BMP1: variants seen among roughly 807,000 people sequenced by gnomAD.
The protein encoded by BMP1 is mammalian tolloid protein.
In BMP1, 63 loss-of-function variants were observed where a neutral mutation model predicts 116.8. That is an observed-to-expected ratio of 0.54 (90% CI 0.44 to 0.67). The LOEUF (loss-of-function observed/expected upper bound fraction) is 0.67, where lower values mean the gene tolerates loss of function less well. BMP1 is among the 30% of genes least tolerant of loss of function. The pLI is 0.00. For missense variants in BMP1, 1,183 were observed against 1,358.9 expected, an observed-to-expected ratio of 0.87 and a Z score of 2.04; for synonymous variants, 536 against 533.4, an observed-to-expected ratio of 1.00 and a Z score of -0.07.
At chr8:22,184,716 T>C (rs1453895684) in intron 8 of BMP1, among the ~76,000 whole-genome samples, 1 of 152,226 alleles carries the variant, frequency 6.6e-6, no homozygotes, top group Non-Finnish European at 1.5e-5. Flanking sequence ...TAGGTACCAT[T>C]ATCCCTACTG....
intron 8 of BMP1, among the ~76,000 whole-genome samples, chr8:22,189,688 A>G (rs1828876143): frequency 6.6e-6 from 1 of 151,786 alleles, no homozygotes; most frequent in African/African-American, 2.4e-5. Flanking sequence ...GCTGGTCTCA[A>G]ACTCCTGGAC....
rs1829469515 is a variant in BMP1 at position 22,211,908 on chromosome 8, C to A, written c.*180C>A. On this transcript the variant is annotated 3_prime_UTR_variant, in exon 20 of 20. Transcript: ENST00000306385. ...GGGAACTGGACTCCGGCATAAGCCA[C>A]TTCCCCACAAACCCCCACCAGCAAG... is the stretch of plus-strand genomic sequence containing the variant. 4 of 885,514 alleles carry A rather than the reference C, an allele frequency of 4.5e-6. 1 individual carries two copies. In the South Asian group the frequency reaches 7.0e-5, roughly 16 times the overall value. The allele number at this position is 885,514 out of a possible 1,614,324, so 54.9% of individuals were successfully genotyped here. A position where few individuals can be genotyped will look rare whatever the true frequency, so the allele number is the denominator to read the frequency against.
intron 9 of BMP1, 38 bp downstream of exon 9, chr8:22,192,189 AT>A (rs771932751): frequency 6.4e-7 from 1 of 1,561,170 alleles, no homozygotes; most frequent in Non-Finnish European, 8.8e-7. Flanking sequence ...CTCCATGCTG[AT>A]TCCCTCTCTG....
chr8:22,210,466 T>TCACACA (rs1224107610), intron 19 of BMP1, among the ~76,000 whole-genome samples: 1 of 101,154 alleles, frequency 9.9e-6, no homozygotes, highest in African/African-American at 4.0e-5. Flanking sequence ...TCTCTCTCTC[T>TCACACA]CTCACACACA....
chr8:22,193,431 A>C (rs1828990117), intron 9 of BMP1, among the ~76,000 whole-genome samples: 1 of 152,230 alleles, frequency 6.6e-6, no homozygotes, highest in Non-Finnish European at 1.5e-5. Context: ...AAGGTAAATA[A>C]TGATGGTAAT....
intron 1 of BMP1, among the ~76,000 whole-genome samples, chr8:22,166,329 G>A (rs918553669): frequency 6.6e-6 from 1 of 151,908 alleles, no homozygotes; most frequent in Non-Finnish European, 1.5e-5. Context: ...CGAGACACCA[G>A]AGGCTAATTA....
chr8:22,195,531 A>G lies in BMP1; in HGVS notation c.1709A>G (p.Tyr570Cys), dbSNP rs772135700. The change falls in exon 13 of 20, where the codon TAC becomes TGC. Residue 570 changes from tyrosine (Y) to cysteine (C), a missense_variant. Physicochemically the swap from Tyr to Cys is radical, Grantham distance 194. Around this residue, in one of 4 missense-constraint regions of BMP1, gnomAD observed 956 missense variants for 1,135.2 expected, o/e 0.84. Transcript: ENST00000306385. ...EQRCLNTLGS[Y>C]KCSCDPGYEL... is the part of the protein sequence containing the mutation. ...CGGTGCCTCAACACCCTGGGCAGCT[A>G]CAAGTGCAGCTGTGACCCCGGGTAC... 8.1e-6 allele frequency: 13 copies of G among 1,612,574 alleles called. No homozygotes were observed. Among genetic ancestry groups the G allele is most frequent in the Non-Finnish European group, 1.1e-5 (13 of 1,179,768 alleles).
rs535579955 is a variant in BMP1 at position 22,192,157 on chromosome 8, G to A, written c.1180+6G>A. Reference sequence around the variant, plus strand: ...GAGGAAGGCGCCCCTCCGAGGTAACGGCACCAGCCACCCCCTGCCCCCTCC... The same window carrying A: ...GAGGAAGGCGCCCCTCCGAGGTAACAGCACCAGCCACCCCCTGCCCCCTCC... On this transcript the variant is annotated splice_donor_region_variant and intron_variant, in intron 9 of 19. Transcript: ENST00000306385. The A allele has an allele frequency of 8.1e-6, 13 of 1,609,834 alleles. No homozygotes were observed. Among genetic ancestry groups the A allele is most frequent in the African/African-American group, 5.3e-5 (4 of 74,940 alleles).
chr8:22,210,719 C>T (rs1829449437), intron 19 of BMP1, among the ~76,000 whole-genome samples: 1 of 152,196 alleles, frequency 6.6e-6, no homozygotes, highest in Non-Finnish European at 1.5e-5. Flanking sequence ...CCTGAAGCAG[C>T]TTGGCTGCCC....
intron 16 of BMP1, 73 bp downstream of exon 16, chr8:22,202,001 T>C (rs1428690200): frequency 2.6e-6 from 4 of 1,526,862 alleles, no homozygotes; most frequent in Admixed American, 2.0e-5. Flanking sequence ...GAGGATCATC[T>C]CCATCAGCCT....
At chr8:22,195,372 G>A in intron 12 of BMP1, 90 bp from the exon 13 acceptor site, 2 of 1,501,900 alleles carry the variant, frequency 1.3e-6, no homozygotes, top group Non-Finnish European at 1.8e-6. Context: ...AGCTGGGTGG[G>A]TCTTGGGGCT....
chr8:22,197,421 G>C lies in BMP1; in HGVS notation c.2107+1G>C, dbSNP rs764966582. 1.9e-6 allele frequency: 3 copies of C among 1,607,540 alleles called. No homozygotes were observed. ...GGCTTCAAGGCCCACTTCTTCTCAG[G>C]TATCCCTGGACTGCCCAGCTCCTAG... On this transcript the variant is annotated splice_donor_variant, in intron 15 of 19. Coordinates refer to ENST00000306385, the MANE Select transcript of BMP1 (RefSeq NM_006129.5). LOFTEE classifies it high-confidence loss of function.
At chr8:22,178,225 C>A (rs919613150) in intron 6 of BMP1, among the ~76,000 whole-genome samples, 2 of 152,232 alleles carry the variant, frequency 1.3e-5, no homozygotes, top group Admixed American at 1.3e-4. Flanking sequence ...GCAAGCCCAG[C>A]AGTGTGGGGT....
intron 15 of BMP1, among the ~76,000 whole-genome samples, chr8:22,200,937 G>A (rs185410560): frequency 3.3e-5 from 5 of 151,972 alleles, no homozygotes; most frequent in South Asian, 2.1e-4. Context: ...CCAGCCCTCC[G>A]TGCCCTGGAT....
At chr8:22,171,416 G>A (rs1828273245) in intron 1 of BMP1, 2 of 152,198 alleles carry the variant, frequency 1.3e-5, no homozygotes, top group Admixed American at 1.3e-4. Context: ...AAAGCACTTT[G>A]CCAATTGGAA....
chr8:22,176,625 A>T lies in BMP1; in HGVS notation c.526A>T (p.Ile176Phe). The T allele has an allele frequency of 6.2e-7, 1 of 1,614,122 alleles. No individual in the cohort carries two copies. The highest frequency in any genetic ancestry group is 8.5e-7 in the Non-Finnish European group (1 of 1,179,990). Residue 176 changes from isoleucine (I) to phenylalanine (F), a missense_variant, in exon 4 of 20, where the codon ATT becomes TTT. Physicochemically the swap from Ile to Phe is conservative, Grantham distance 21 (BLOSUM62 0). This residue lies in a region of BMP1 where 956 missense variants were observed against 1,135.2 expected (regional missense o/e 0.84). Transcript: ENST00000306385. Reference protein sequence around the residue: ...FLERTDEDSYIVFTYRPCGCC... With the variant: ...FLERTDEDSYFVFTYRPCGCC... ...GGAGCGCACTGACGAGGACAGCTAT[A>T]TTGTGTTCACCTATCGACCTTGCGG...
chr8:22,172,694 C>A (rs1208557394), intron 1 of BMP1, among the ~76,000 whole-genome samples: 3 of 148,290 alleles, frequency 2.0e-5, no homozygotes, highest in Non-Finnish European at 4.4e-5. Flanking sequence ...CTCACTGCAG[C>A]CTTGACCTCC....
intron 16 of BMP1, among the ~76,000 whole-genome samples, chr8:22,204,366 G>T (rs561601936): frequency 6.6e-6 from 1 of 152,114 alleles, no homozygotes; most frequent in Non-Finnish European, 1.5e-5. Context: ...GTGCCTGGCC[G>T]CCTGTTTCCC....
chr8:22,191,959 C>A (rs1828943638), intron 8 of BMP1, 90 bp from the exon 9 acceptor site: 4 of 1,221,498 alleles, frequency 3.3e-6, no homozygotes, highest in Non-Finnish European at 4.7e-6. Flanking sequence ...ACCTGCCTCG[C>A]GTAAGGCGGG....
Sources: gnomAD v4.1 joint callset for allele counts (sites outside exome capture counted in the v4.1 genomes callset) on GRCh38, gnomAD v4.1.1 for gene constraint, gnomAD v4.1.1 regional missense constraint, MANE v1.5 for transcripts, NCBI Gene and HGNC (gene_info 2026-07-23, HGNC 2026-07-21) for gene names.